The following ALPK1 variants were observed in gnomAD, a reference collection of about 807,000 sequenced individuals.
ALPK1 encodes alpha-protein kinase 1.
In ALPK1, 110 loss-of-function variants were observed where a neutral mutation model predicts 120.6. That is an observed-to-expected ratio of 0.91 (90% CI 0.78 to 1.07). The LOEUF is 1.07. Among genes scored for constraint, ALPK1 ranks in the 50% least tolerant of loss-of-function variants. The pLI is 0.00. For synonymous variants in ALPK1, 582 were observed against 560.3 expected, an observed-to-expected ratio of 1.04 and a Z score of -0.55; for missense variants, 1,498 against 1,483.9, an observed-to-expected ratio of 1.01 and a Z score of -0.16.
At chr4:112,347,432 A>T (rs1161519399) in intron 2 of ALPK1, among the ~76,000 whole-genome samples, 2 of 152,230 alleles carry the variant, frequency 1.3e-5, no homozygotes, top group African/African-American at 2.4e-5. Context: ...TCATATCATC[A>T]ACCCGATTCA....
intron 1 of ALPK1, among the ~76,000 whole-genome samples, chr4:112,313,328 C>A (rs1728490922): frequency 6.6e-6 from 1 of 152,164 alleles, no homozygotes; most frequent in South Asian, 2.1e-4. Flanking sequence ...ATCAGTAATA[C>A]AGGAGGAAAA....
At chr4:112,441,127 T>C (rs757401259) in intron 15 of ALPK1, 22 bp downstream of exon 15, 12 of 1,613,816 alleles carry the variant, frequency 7.4e-6, no homozygotes, top group East Asian at 2.2e-5. Context: ...GCTGTATGGA[T>C]TGGTAATGTG....
intron 2 of ALPK1, chr4:112,358,714 A>G (rs1439051938): frequency 1.3e-6 from 1 of 769,926 alleles, no homozygotes; most frequent in Non-Finnish European, 2.4e-6. Flanking sequence ...GGAAGGAGGA[A>G]GAAGATCCAG....
In ALPK1 at chr4:112,431,149, A is replaced by G; in HGVS notation, c.1602A>G (p.Gly534=). 1 of 1,614,154 alleles carries G rather than the reference A, an allele frequency of 6.2e-7. No individual in the cohort carries two copies. Among genetic ancestry groups the G allele is most frequent in the Non-Finnish European group, 8.5e-7 (1 of 1,180,038 alleles). ...ATGTTCAGAGGGAACTCAGAAGGGG[A>G]GGAAGGAGAAACTGGACCCATTCTG... ...GKNVQRELRR[G]GRRNWTHSDA... Residue 534 remains glycine, a synonymous_variant, in exon 11 of 16, where the codon GGA becomes GGG. Transcript: ENST00000650871.
At chr4:112,386,094 T>A (rs1279724447) in intron 4 of ALPK1, among the ~76,000 whole-genome samples, 1 of 152,024 alleles carries the variant, frequency 6.6e-6, no homozygotes, top group Non-Finnish European at 1.5e-5. Flanking sequence ...AAATTAAGAG[T>A]CATTTATAAT....
chr4:112,359,589 C>A (rs1246637014), intron 2 of ALPK1: 2 of 249,454 alleles, frequency 8.0e-6, no homozygotes, highest in Non-Finnish European at 1.6e-5. Flanking sequence ...CCAACCAGAC[C>A]GCTCATGGTG....
At position 112,426,470 on chromosome 4, in the gene ALPK1, T is replaced by G. The variant is rs1471815576; in HGVS notation, c.626T>G (p.Met209Arg). 6.2e-7 allele frequency: 1 copy of G among 1,607,466 alleles called. No individual in the cohort carries two copies. The highest frequency in any genetic ancestry group is 1.3e-5 in the African/African-American group (1 of 74,230). ...IRGQILQKLG[M>R]WYEAAELIWA... is the part of the protein sequence containing the mutation. ...CCGCCCCTCTTTTTTTTTTCAGGGA[T>G]GTGGTACGAAGCAGCAGAGTTAATA... The change falls in exon 8 of 16, where the codon ATG (methionine) becomes AGG (arginine). Residue 209 changes from methionine (M) to arginine (R), a missense_variant. Transcript: ENST00000650871.
chr4:112,380,414 G>T (rs991199166), intron 3 of ALPK1, among the ~76,000 whole-genome samples: 7 of 152,110 alleles, frequency 4.6e-5, no homozygotes, highest in African/African-American at 1.7e-4. Context: ...GGAGATAGGG[G>T]GTGATAATTT....
intron 4 of ALPK1, among the ~76,000 whole-genome samples, chr4:112,401,581 A>T (rs956725605): frequency 6.6e-6 from 1 of 152,038 alleles, no homozygotes; most frequent in Non-Finnish European, 1.5e-5. Context: ...GGAATCATCA[A>T]TGTGGATGCT....
intron 4 of ALPK1, among the ~76,000 whole-genome samples, chr4:112,409,860 G>A (rs950120514): frequency 3.3e-5 from 5 of 152,150 alleles, no homozygotes; most frequent in Non-Finnish European, 7.3e-5. Flanking sequence ...CTCCCCAACA[G>A]TTGGCAATTC....
intron 11 of ALPK1, among the ~76,000 whole-genome samples, 187 bp downstream of exon 11, chr4:112,432,768 TA>T (rs1168056308): frequency 2.0e-5 from 3 of 152,158 alleles, no homozygotes; most frequent in Non-Finnish European, 4.4e-5. Flanking sequence ...TTAATGGTTG[TA>T]AAGAAGCTTG....
chr4:112,313,946 G>A lies in ALPK1; in HGVS notation c.-152-1855G>A, dbSNP rs549021043. ...ACTACTGATGAAAGTGAGATGAAGAGATTTTTCTTCTAAGATGAAAGAAAT... is the reference window on the plus strand; with the variant it reads ...ACTACTGATGAAAGTGAGATGAAGAAATTTTTCTTCTAAGATGAAAGAAAT... On this transcript the variant is annotated intron_variant, in intron 1 of 15. Transcript: ENST00000650871. 2.0e-5 allele frequency among the ~76,000 whole-genome samples: 3 copies of A among 152,198 alleles called. No homozygotes were observed. The South Asian group carries it at 6.2e-4, about 32-fold the overall frequency.
chr4:112,356,816 T>C, intron 2 of ALPK1: 2 of 728,142 alleles, frequency 2.7e-6, no homozygotes, highest in Admixed American at 1.7e-5. Flanking sequence ...CAGTTAGTTG[T>C]TGGATGCCAA....
rs41354147 is a variant in ALPK1 at position 112,369,528 on chromosome 4, T to A, written c.-100-8150T>A. Reference sequence around the variant, plus strand: ...AAATGAGTGTAGATTAAAAAGACGTTTTAGATTAGCTGGGCATGGTGGTGC... The same window carrying A: ...AAATGAGTGTAGATTAAAAAGACGTATTAGATTAGCTGGGCATGGTGGTGC... On this transcript the variant is annotated intron_variant, in intron 2 of 15. Transcript: ENST00000650871. 9.4e-3 allele frequency among the ~76,000 whole-genome samples: 1,428 copies of A among 151,616 alleles called. 32 individuals carry two copies. Among genetic ancestry groups the A allele is most frequent in the East Asian group, 0.084 (433 of 5,142 alleles).
rs1578508335 is a variant in ALPK1, at chr4:112,369,842, G to A, written c.-100-7836G>A. Among the ~76,000 whole-genome samples the A allele has an allele frequency of 2.0e-5, 3 of 152,150 alleles. No homozygotes were observed. The East Asian group carries it at 5.8e-4, about 29-fold the overall frequency. ...TGCAGAGTACAATTGTGTATTATAT[G>A]CCCTGTATATTTATCTAGTTTACCT... On this transcript the variant is annotated intron_variant, in intron 2 of 15. Transcript: ENST00000650871.
Position 112,411,903 on chromosome 4 carries a change from T to C in ALPK1, c.353T>C (p.Leu118Pro), listed in dbSNP as rs756937832. 6 of 1,614,018 alleles carry C rather than the reference T, an allele frequency of 3.7e-6. No individual in the cohort carries two copies. Among genetic ancestry groups the C allele is most frequent in the African/African-American group, 1.3e-5 (1 of 74,920 alleles). Residue 118 changes from leucine to proline, a missense_variant, in exon 5 of 16, where the codon CTG becomes CCG. Coordinates refer to ENST00000650871, the MANE Select transcript of ALPK1 (RefSeq NM_025144.4). The part of the protein sequence containing the change: ...AAIVFLVDRF[L>P]YGLDVSGKLL... ...ATTGTGTTCTTGGTGGACCGGTTCC[T>C]GTATGGGCTCGACGTCTCTGGAAAA...
intron 4 of ALPK1, chr4:112,384,048 A>G (rs1732043519): frequency 6.6e-6 from 1 of 152,222 alleles, no homozygotes; most frequent in Non-Finnish European, 1.5e-5. Context: ...CACCATTGTA[A>G]AGTAAAAAAA....
intron 5 of ALPK1, among the ~76,000 whole-genome samples, chr4:112,415,366 C>T (rs186611065): frequency 5.3e-5 from 8 of 152,252 alleles, no homozygotes; most frequent in South Asian, 2.1e-4. Flanking sequence ...GGCTGGGCAG[C>T]GGCTCACGCC....
chr4:112,412,537 T>C (rs1560676606), intron 5 of ALPK1: 2 of 435,252 alleles, frequency 4.6e-6, no homozygotes, highest in Non-Finnish European at 9.2e-6. Flanking sequence ...TCTTTTTTTT[T>C]CCTGTCACTT....
Sources: gnomAD v4.1 joint callset for allele counts (sites outside exome capture counted in the v4.1 genomes callset) on GRCh38, gnomAD v4.1.1 for gene constraint, MANE v1.5 for transcripts, NCBI Gene and HGNC (gene_info 2026-07-23, HGNC 2026-07-21) for gene names.